SRBD1: variants seen among roughly 807,000 people sequenced by gnomAD.
The protein encoded by SRBD1 is S1 RNA-binding domain-containing protein 1.
Under a neutral mutation model 115.3 loss-of-function variants are expected in SRBD1, and 88 were observed. The observed-to-expected ratio is 0.76, with a 90% CI of 0.64 to 0.91. The LOEUF (loss-of-function observed/expected upper bound fraction) is 0.91, where lower values mean the gene tolerates loss of function less well. Ranked by LOEUF, SRBD1 falls within the 40% of genes least tolerant of loss-of-function variation. The pLI, the probability that SRBD1 is intolerant of heterozygous loss-of-function variation, is 0.00. For synonymous variants in SRBD1, 509 were observed against 407.7 expected (o/e 1.25, Z -2.99); for missense variants, 1,385 against 1,177.4 (o/e 1.18, Z -2.58).
chr2:45,462,697 G>C (rs1669354910), intron 16 of SRBD1, among the ~76,000 whole-genome samples: 1 of 151,782 alleles, frequency 6.6e-6, no homozygotes, highest in Middle Eastern at 3.4e-3. Context: ...GTGGTGTCGG[G>C]CACCTGTAGT....
At chr2:45,584,767 G>A (rs1012818816) in intron 5 of SRBD1, among the ~76,000 whole-genome samples, 7 of 152,160 alleles carry the variant, frequency 4.6e-5, no homozygotes, top group African/African-American at 9.7e-5. Flanking sequence ...AGTGAGTCCA[G>A]AGGCATAATT....
intron 9 of SRBD1, 147 bp from the exon 10 acceptor site, chr2:45,562,903 C>A: frequency 8.0e-6 from 4 of 502,554 alleles, no homozygotes; most frequent in Non-Finnish European, 1.4e-5. Flanking sequence ...ACACTTTTTT[C>A]AAGTAACATA....
At position 45,589,525 on chromosome 2, in the gene SRBD1, A is replaced by G. The variant is rs552894294; in HGVS notation, c.649-3751T>C. The stretch of plus-strand genomic sequence containing the variant: ...CATTTTGGAACTGTGTGATTGTTAG[A>G]GCAATCCATGGGCTCCCACTACCCA... On this transcript the variant is annotated intron_variant, in intron 4 of 20. Coordinates refer to ENST00000263736, the MANE Select transcript of SRBD1 (RefSeq NM_018079.5). Among the ~76,000 whole-genome samples the G allele has an allele frequency of 3.3e-4, 51 of 152,332 alleles. No homozygotes were observed. The South Asian group carries it at 8.1e-3, about 24-fold the overall frequency.
At chr2:45,569,848 G>C (rs773039384) in intron 9 of SRBD1, among the ~76,000 whole-genome samples, 1 of 152,188 alleles carries the variant, frequency 6.6e-6, no homozygotes, top group Non-Finnish European at 1.5e-5. Context: ...CTTAAGTAAA[G>C]AAAATGCAAA....
chr2:45,516,718 C>T (rs1443111474), intron 14 of SRBD1, among the ~76,000 whole-genome samples: 1 of 152,086 alleles, frequency 6.6e-6, no homozygotes, highest in Non-Finnish European at 1.5e-5. Flanking sequence ...ATTCTGATTT[C>T]ATCAAAAAAG....
intron 20 of SRBD1, among the ~76,000 whole-genome samples, chr2:45,391,248 C>T (rs992976316): frequency 1.3e-5 from 2 of 152,190 alleles, no homozygotes; most frequent in East Asian, 1.9e-4. Context: ...CAAACTTTAA[C>T]ACTTTCATAG....
intron 4 of SRBD1, among the ~76,000 whole-genome samples, chr2:45,593,608 T>G (rs1379714883): frequency 6.6e-6 from 1 of 152,234 alleles, no homozygotes; most frequent in East Asian, 1.9e-4. Flanking sequence ...AACTATAGCC[T>G]TAATCATCCA....
At chr2:45,441,919 G>A (rs955834020) in intron 16 of SRBD1, among the ~76,000 whole-genome samples, 1 of 152,128 alleles carries the variant, frequency 6.6e-6, no homozygotes, top group Non-Finnish European at 1.5e-5. Context: ...AAATTCTCAT[G>A]CCAATACTTT....
intron 16 of SRBD1, among the ~76,000 whole-genome samples, chr2:45,463,385 C>T (rs868580216): frequency 3.9e-5 from 6 of 152,258 alleles, no homozygotes; most frequent in Middle Eastern, 6.8e-3. Context: ...ATTACATTTG[C>T]CTGTGCTATT....
At chr2:45,519,570 T>C (rs1671219740) in intron 14 of SRBD1, among the ~76,000 whole-genome samples, 1 of 152,248 alleles carries the variant, frequency 6.6e-6, no homozygotes, top group Non-Finnish European at 1.5e-5. Context: ...TCCTTAAATA[T>C]ATTCAACATT....
At chr2:45,406,726 G>T (rs1402163571) in intron 19 of SRBD1, among the ~76,000 whole-genome samples, 2 of 152,114 alleles carry the variant, frequency 1.3e-5, no homozygotes, top group East Asian at 1.9e-4. Flanking sequence ...CTCTAGAGAA[G>T]AATCCATTTC....
At position 45,389,456 on chromosome 2, in the gene SRBD1, T is replaced by A; in HGVS notation, c.2842A>T (p.Ile948Leu). The change falls in exon 21 of 21, where the codon ATA (isoleucine) becomes TTA (leucine). Residue 948 changes from isoleucine (I) to leucine (L), a missense_variant. Ile to Leu is a conservative substitution (Grantham distance 5). Transcript: ENST00000263736. ...IGVGKSGLIP[I>L]RNVTEAKLSK... The stretch of plus-strand genomic sequence containing the variant: ...AGTTTTGCTTCTGTTACATTTCGTA[T>A]GGGAATCAGCCCAGATTTCCCCACT... 6.2e-7 allele frequency: 1 copy of A among 1,614,108 alleles called. No homozygotes were observed. The highest frequency in any genetic ancestry group is 8.5e-7 in the Non-Finnish European group (1 of 1,179,966).
intron 3 of SRBD1, among the ~76,000 whole-genome samples, chr2:45,600,218 T>C (rs13420423): frequency 0.33 from 49,906 of 151,874 alleles, 8,634 homozygotes; most frequent in African/African-American, 0.4. Flanking sequence ...TGAATACAAG[T>C]AAAACTGGAG....
At chr2:45,425,389 C>T (rs1668121867) in intron 16 of SRBD1, among the ~76,000 whole-genome samples, 1 of 152,116 alleles carries the variant, frequency 6.6e-6, no homozygotes, top group South Asian at 2.1e-4. Context: ...AATAGCAAGA[C>T]ACTTGCACAA....
intron 4 of SRBD1, among the ~76,000 whole-genome samples, chr2:45,599,241 C>A (rs1422552998): frequency 6.6e-6 from 1 of 152,172 alleles, no homozygotes; most frequent in African/African-American, 2.4e-5. Context: ...AGAGAGGCCA[C>A]ACATCTTAGC....
At chr2:45,593,195 T>A (rs145752953) in intron 4 of SRBD1, among the ~76,000 whole-genome samples, 293 of 152,290 alleles carry the variant, frequency 1.9e-3, no homozygotes, top group Middle Eastern at 0.01. Context: ...TTCCAAACAC[T>A]CTTACACAGT....
chr2:45,405,709 G>A (rs914344184), intron 19 of SRBD1, among the ~76,000 whole-genome samples: 24 of 152,072 alleles, frequency 1.6e-4, no homozygotes, highest in African/African-American at 5.1e-4. Context: ...AAAAGTCATG[G>A]TAGAAGGTTG....
chr2:45,573,405 A>C (rs1673082032), intron 8 of SRBD1, 63 bp from the exon 9 acceptor site: 1 of 1,533,108 alleles, frequency 6.5e-7, no homozygotes, highest in Non-Finnish European at 8.7e-7. Flanking sequence ...AGTAAAGAAT[A>C]TATAGAAATA....
Position 45,445,794 on chromosome 2 carries a change from A to C in SRBD1, c.2050-25900T>G, listed in dbSNP as rs1668806635. 2.0e-5 allele frequency among the ~76,000 whole-genome samples: 3 copies of C among 152,124 alleles called. No individual in the cohort carries two copies. In the South Asian group the frequency reaches 6.2e-4, roughly 32 times the overall value. ...AACGTTTTCATCTCAACAGACATTA[A>C]ATTTAAAGGCTCAAGTTCTACAATT... On this transcript the variant is annotated intron_variant, in intron 16 of 20. Coordinates refer to ENST00000263736, the MANE Select transcript of SRBD1 (RefSeq NM_018079.5).
Sources: allele counts gnomAD v4.1 joint callset (sites outside exome capture counted in the v4.1 genomes callset), GRCh38; gene constraint gnomAD v4.1.1; transcripts MANE v1.5; gene names NCBI Gene and HGNC (gene_info 2026-07-23, HGNC 2026-07-21).